Variants in SDC2 observed in about 807,000 individuals in gnomAD.
SDC2 encodes syndecan 2.
In SDC2, 13 loss-of-function variants were observed where a neutral mutation model predicts 22.2. The observed-to-expected ratio is 0.59, with a 90% CI of 0.38 to 0.93. The LOEUF is 0.93. SDC2 is among the 40% of genes least tolerant of loss of function. The pLI is 0.00. For synonymous variants in SDC2, 94 were observed against 92.8 expected, an observed-to-expected ratio of 1.01 and a Z score of -0.07; for missense variants, 235 against 246.8, an observed-to-expected ratio of 0.95 and a Z score of 0.32.
chr8:96,544,791 G>T (rs1813905990), intron 1 of SDC2, among the ~76,000 whole-genome samples: 1 of 152,192 alleles, frequency 6.6e-6, no homozygotes, highest in Non-Finnish European at 1.5e-5. Context: ...TGAGGTGATT[G>T]TAGATTTTTA....
At chr8:96,516,182 A>G (rs898672123) in intron 1 of SDC2, among the ~76,000 whole-genome samples, 6 of 152,186 alleles carry the variant, frequency 3.9e-5, no homozygotes, top group Admixed American at 6.5e-5. Context: ...AAAGCTTGCA[A>G]TGGCTTTCTG....
At chr8:96,529,495 A>G (rs893749771) in intron 1 of SDC2, among the ~76,000 whole-genome samples, 1 of 152,220 alleles carries the variant, frequency 6.6e-6, no homozygotes, top group South Asian at 2.1e-4. Flanking sequence ...AGTGACGGCT[A>G]TGGCTGTCAG....
intron 1 of SDC2, among the ~76,000 whole-genome samples, chr8:96,508,629 A>G (rs1813285822): frequency 7.0e-6 from 1 of 142,538 alleles, no homozygotes; most frequent in South Asian, 2.2e-4. Flanking sequence ...GTAACATTAA[A>G]AATTACCATT....
intron 1 of SDC2, among the ~76,000 whole-genome samples, chr8:96,512,547 C>T (rs1813344145): frequency 6.6e-6 from 1 of 152,094 alleles, no homozygotes; most frequent in South Asian, 2.1e-4. Flanking sequence ...ACAGAGAGAC[C>T]TTTACCTCAC....
intron 1 of SDC2, among the ~76,000 whole-genome samples, chr8:96,561,333 A>G (rs919038388): frequency 1.3e-5 from 2 of 152,252 alleles, no homozygotes; most frequent in Admixed American, 6.5e-5. Flanking sequence ...TAAATACACT[A>G]TACATAGAGA....
chr8:96,548,468 C>T (rs966460372), intron 1 of SDC2, among the ~76,000 whole-genome samples: 8 of 152,090 alleles, frequency 5.3e-5, no homozygotes, highest in Non-Finnish European at 2.9e-5. Flanking sequence ...AAAATGTTTC[C>T]CCAGACATGA....
intron 1 of SDC2, among the ~76,000 whole-genome samples, chr8:96,570,894 C>T (rs1444513078): frequency 1.3e-5 from 2 of 152,022 alleles, no homozygotes. Flanking sequence ...GAAATTAGAA[C>T]AGTGGTTACC....
intron 1 of SDC2, among the ~76,000 whole-genome samples, chr8:96,551,712 G>A (rs1814030841): frequency 6.6e-6 from 1 of 152,192 alleles, no homozygotes; most frequent in South Asian, 2.1e-4. Flanking sequence ...AGAGTAGGCA[G>A]GTAGGATATG....
At chr8:96,564,850 T>C (rs979467853) in intron 1 of SDC2, among the ~76,000 whole-genome samples, 4 of 152,008 alleles carry the variant, frequency 2.6e-5, no homozygotes, top group African/African-American at 4.8e-5. Flanking sequence ...GTTTTGGGAG[T>C]TGAACTTTGT....
rs145762672 is a variant in SDC2 at position 96,584,487 on chromosome 8, A to G, written c.61-8993A>G. On this transcript the variant is annotated intron_variant, in intron 1 of 4. Coordinates refer to ENST00000302190, the MANE Select transcript of SDC2 (RefSeq NM_002998.4). ...GACTTGGACTCTGTTCCATTATGGTAGTTTTTACAAACACTTCTGAATACG... is the reference window on the plus strand; with the variant it reads ...GACTTGGACTCTGTTCCATTATGGTGGTTTTTACAAACACTTCTGAATACG... Among the ~76,000 whole-genome samples the G allele has an allele frequency of 3.3e-3, 504 of 152,334 alleles. 3 individuals carry two copies. The highest frequency in any genetic ancestry group is 5.2e-3 in the Non-Finnish European group (353 of 68,040).
intron 1 of SDC2, among the ~76,000 whole-genome samples, chr8:96,497,817 G>A (rs755248799): frequency 2.8e-4 from 43 of 152,194 alleles, no homozygotes; most frequent in Non-Finnish European, 4.7e-4. Context: ...AATGCCATCT[G>A]GGTTTAGATT....
chr8:96,573,852 A>G, intron 1 of SDC2, among the ~76,000 whole-genome samples: 1 of 152,054 alleles, frequency 6.6e-6, no homozygotes, highest in East Asian at 1.9e-4. Context: ...CTAGTTTTTC[A>G]CCAAAGATTC....
chr8:96,495,275 C>G (rs1461127836), intron 1 of SDC2, among the ~76,000 whole-genome samples: 1 of 152,218 alleles, frequency 6.6e-6, no homozygotes, highest in Non-Finnish European at 1.5e-5. Flanking sequence ...GGAGCGCCTG[C>G]CGGCACCCAG....
At position 96,564,095 on chromosome 8, in the gene SDC2, A is replaced by T. The variant is rs537723067; in HGVS notation, c.61-29385A>T. ...CTAGGCATTGTCTTGCAGCTTGGTA[A>T]CTCCACCTTTCTAAAGACTCAGGTG... On this transcript the variant is annotated intron_variant, in intron 1 of 4. Coordinates refer to ENST00000302190, the MANE Select transcript of SDC2 (RefSeq NM_002998.4). 1.1e-4 allele frequency among the ~76,000 whole-genome samples: 16 copies of T among 152,120 alleles called. No individual in the cohort carries two copies. The South Asian group carries it at 3.3e-3, about 32-fold the overall frequency.
chr8:96,508,653 C>T (rs1813286151), intron 1 of SDC2, among the ~76,000 whole-genome samples: 2 of 142,034 alleles, frequency 1.4e-5, no homozygotes, highest in South Asian at 4.5e-4. Context: ...ACAGCCTTCT[C>T]CTACTATAGA....
chr8:96,608,645 T>C (rs1450484071), intron 4 of SDC2, among the ~76,000 whole-genome samples, 175 bp downstream of exon 4: 1 of 152,242 alleles, frequency 6.6e-6, no homozygotes, highest in Non-Finnish European at 1.5e-5. Flanking sequence ...CTTTATTGTC[T>C]GCCAGCTCCC....
intron 1 of SDC2, among the ~76,000 whole-genome samples, chr8:96,515,216 C>G (rs1247520993): frequency 1.6e-4 from 24 of 152,150 alleles, no homozygotes; most frequent in Admixed American, 1.6e-3. Flanking sequence ...CGCTTTTTCC[C>G]CCTACTTTCT....
intron 3 of SDC2, among the ~76,000 whole-genome samples, chr8:96,603,424 T>C (rs1458180291): frequency 6.6e-6 from 1 of 152,228 alleles, no homozygotes; most frequent in Non-Finnish European, 1.5e-5. Context: ...TGGTAGACTT[T>C]GCAATCAGTG....
chr8:96,496,839 C>CT (rs1750383106), intron 1 of SDC2, among the ~76,000 whole-genome samples: 1 of 152,160 alleles, frequency 6.6e-6, no homozygotes, highest in Non-Finnish European at 1.5e-5. Context: ...GTAGCTGTTC[C>CT]TTTATGGATC....
Sources: gnomAD v4.1 joint callset for allele counts (sites outside exome capture counted in the v4.1 genomes callset) on GRCh38, gnomAD v4.1.1 for gene constraint, MANE v1.5 for transcripts, NCBI Gene and HGNC (gene_info 2026-07-23, HGNC 2026-07-21) for gene names.